WWOX: variants seen among roughly 807,000 people sequenced by gnomAD.
WWOX encodes the protein WW domain containing oxidoreductase.
WWOX carries 69 observed loss-of-function variants against 46.2 expected under a neutral mutation model. That is an observed-to-expected ratio of 1.49 (90% CI 1.23 to 1.82). The LOEUF is 1.82. Ranked by LOEUF, WWOX falls within the 40% of genes most tolerant of loss-of-function variation. The pLI, the probability that WWOX is intolerant of heterozygous loss-of-function variation, is 0.00. For synonymous variants in WWOX, 359 were observed against 202.6 expected (o/e 1.77, Z -6.56); for missense variants, 919 against 542.6 (o/e 1.69, Z -6.89).
chr16:78,424,495 A>G (rs984433733), intron 6 of WWOX, among the ~76,000 whole-genome samples: 9 of 152,190 alleles, frequency 5.9e-5, no homozygotes, highest in African/African-American at 2.2e-4. Flanking sequence ...TGATTTACAG[A>G]CAAAGTGAGA....
intron 8 of WWOX, among the ~76,000 whole-genome samples, chr16:78,665,198 C>T (rs988153293): frequency 2.0e-5 from 3 of 152,072 alleles, no homozygotes; most frequent in Non-Finnish European, 2.9e-5. Flanking sequence ...CAACAGATTT[C>T]CAAGTTGGCA....
chr16:78,646,698 G>T (rs879899876), intron 8 of WWOX, among the ~76,000 whole-genome samples: 3 of 152,178 alleles, frequency 2.0e-5, no homozygotes, highest in Non-Finnish European at 4.4e-5. Context: ...GTAGTGATAG[G>T]ATTACAGGCC....
chr16:78,880,992 CTTTTTTTTTTT>C (rs71140838), intron 8 of WWOX, among the ~76,000 whole-genome samples: 1 of 113,530 alleles, frequency 8.8e-6, no homozygotes, highest in South Asian at 2.9e-4. Flanking sequence ...AATTTTTTTT[CTTTTTTTTTTT>C]TTTTTTTGAG....
intron 8 of WWOX, among the ~76,000 whole-genome samples, chr16:78,500,765 A>G (rs1035470118): frequency 1.1e-4 from 17 of 152,170 alleles, no homozygotes; most frequent in African/African-American, 3.9e-4. Context: ...GCTTTTTTCT[A>G]TGATGAATTA....
intron 8 of WWOX, among the ~76,000 whole-genome samples, chr16:78,901,046 C>T (rs1182514373): frequency 6.6e-6 from 1 of 152,200 alleles, no homozygotes; most frequent in Admixed American, 6.5e-5. Context: ...GCTCTCTTTT[C>T]AGACCCAACC....
chr16:78,725,380 T>A (rs1283213250), intron 8 of WWOX, among the ~76,000 whole-genome samples: 1 of 133,582 alleles, frequency 7.5e-6, no homozygotes, highest in Non-Finnish European at 1.6e-5. Flanking sequence ...GGAGTTTCAC[T>A]CTTGTTGCCT....
chr16:78,647,675 CT>C (rs1185640975), intron 8 of WWOX, among the ~76,000 whole-genome samples: 48 of 152,320 alleles, frequency 3.2e-4, no homozygotes, highest in African/African-American at 1.2e-3. Flanking sequence ...AGACCATCAC[CT>C]TCTTATACCT....
At chr16:79,178,688 G>C (rs1444927904) in intron 8 of WWOX, among the ~76,000 whole-genome samples, 9 of 152,136 alleles carry the variant, frequency 5.9e-5, no homozygotes. Flanking sequence ...TTTTTAAGTA[G>C]CTCTTGTCTT....
chr16:78,899,538 G>A (rs1036309661), intron 8 of WWOX: 1 of 152,076 alleles, frequency 6.6e-6, no homozygotes, highest in Admixed American at 6.6e-5. Flanking sequence ...CAGCATCTGT[G>A]GAAACAGTGG....
chr16:78,988,608 C>G (rs76656501), intron 8 of WWOX, among the ~76,000 whole-genome samples: 5,645 of 152,242 alleles, frequency 0.037, 192 homozygotes, highest in Non-Finnish European at 0.05. Context: ...TGTTCAAGCC[C>G]TGCTAGAAAC....
chr16:79,190,263 G>C (rs1306814680), intron 8 of WWOX, among the ~76,000 whole-genome samples: 2 of 151,942 alleles, frequency 1.3e-5, no homozygotes, highest in African/African-American at 4.8e-5. Context: ...GACCTCAAGT[G>C]ATCTGCCTGC....
At chr16:78,871,839 G>A (rs1387091005) in intron 8 of WWOX, among the ~76,000 whole-genome samples, 1 of 152,164 alleles carries the variant, frequency 6.6e-6, no homozygotes, top group Non-Finnish European at 1.5e-5. Flanking sequence ...CTGGCCTCAA[G>A]TGATCCGCCC....
intron 8 of WWOX, among the ~76,000 whole-genome samples, chr16:79,069,528 G>A (rs2048508979): frequency 6.6e-6 from 1 of 150,760 alleles, no homozygotes; most frequent in African/African-American, 2.4e-5. Context: ...GCAGGAAAAG[G>A]GTCACATAAA....
At chr16:78,571,342 C>G (rs971582508) in intron 8 of WWOX, among the ~76,000 whole-genome samples, 4 of 152,096 alleles carry the variant, frequency 2.6e-5, no homozygotes, top group Non-Finnish European at 5.9e-5. Flanking sequence ...TCATAGATGA[C>G]TTTGTGAAAT....
At chr16:79,102,004 A>G (rs887469794) in intron 8 of WWOX, among the ~76,000 whole-genome samples, 4 of 135,468 alleles carry the variant, frequency 3.0e-5, no homozygotes, top group East Asian at 5.1e-4. Context: ...TCCTCCTCCC[A>G]GCAGATGAAG....
intron 8 of WWOX, among the ~76,000 whole-genome samples, chr16:78,722,002 A>G (rs886703794): frequency 3.3e-5 from 5 of 152,204 alleles, no homozygotes; most frequent in African/African-American, 1.2e-4. Flanking sequence ...GCATCCAGGC[A>G]CTTTCTTTTT....
At position 78,651,929 on chromosome 16, in the gene WWOX, C is replaced by T. The variant is rs147066720; in HGVS notation, c.1056+219177C>T. ...AGTGAGAGAGAGTGTAAGTAAAATG[C>T]AATGGCAGGCACAGGGATGGTTGCC... On this transcript the variant is annotated intron_variant, in intron 8 of 8. Transcript: ENST00000566780. Among the ~76,000 whole-genome samples the T allele has an allele frequency of 4.8e-3, 725 of 152,154 alleles. 12 individuals are homozygous for T. The highest frequency in any genetic ancestry group is 4.4e-3 in the Non-Finnish European group (301 of 68,010).
chr16:79,159,217 A>G (rs554465797), intron 8 of WWOX, among the ~76,000 whole-genome samples: 34 of 152,324 alleles, frequency 2.2e-4, no homozygotes, highest in East Asian at 7.7e-4. Flanking sequence ...ACTAATCTCA[A>G]TTACCAGGGC....
intron 8 of WWOX, among the ~76,000 whole-genome samples, chr16:78,922,097 CTG>C (rs993460254): frequency 3.9e-5 from 6 of 152,136 alleles, no homozygotes; most frequent in Non-Finnish European, 5.9e-5. Context: ...ACCTGAGCCT[CTG>C]TGTTCAGAGT....
Sources: allele counts gnomAD v4.1 joint callset (sites outside exome capture counted in the v4.1 genomes callset), GRCh38; gene constraint gnomAD v4.1.1; transcripts MANE v1.5; gene names NCBI Gene and HGNC (gene_info 2026-07-23, HGNC 2026-07-21).